KCNIP4: variants seen among roughly 807,000 people sequenced by gnomAD.
KCNIP4 encodes Kv channel-interacting protein 4.
KCNIP4 carries 12 observed loss-of-function variants against 34.0 expected under a neutral mutation model. The observed-to-expected ratio is 0.35, with a 90% CI of 0.23 to 0.57. KCNIP4 has a LOEUF of 0.57. Ranked by LOEUF, KCNIP4 falls within the 20% of genes least tolerant of loss-of-function variation. The pLI is 0.83. For missense variants in KCNIP4, 238 were observed against 311.7 expected (o/e 0.76, Z 1.78); for synonymous variants, 124 against 102.2 (o/e 1.21, Z -1.29).
At chr4:21,728,278 C>A (rs1715340780) in intron 1 of KCNIP4, among the ~76,000 whole-genome samples, 1 of 152,190 alleles carries the variant, frequency 6.6e-6, no homozygotes, top group African/African-American at 2.4e-5. Flanking sequence ...TTTCTTATCT[C>A]TGTAAATGGC....
At chr4:21,094,675 G>C (rs192325919) in intron 1 of KCNIP4, among the ~76,000 whole-genome samples, 1 of 152,264 alleles carries the variant, frequency 6.6e-6, no homozygotes, top group East Asian at 1.9e-4. Flanking sequence ...TCTGAGGCTA[G>C]GTTAGGAAAG....
At chr4:21,182,494 A>G (rs551669705) in intron 1 of KCNIP4, among the ~76,000 whole-genome samples, 2 of 148,752 alleles carry the variant, frequency 1.3e-5, no homozygotes, top group Non-Finnish European at 3.0e-5. Flanking sequence ...TTTAAGGGGT[A>G]CAAGTACAGT....
chr4:21,265,684 TA>T (rs1761760008), intron 1 of KCNIP4, among the ~76,000 whole-genome samples: 1 of 152,068 alleles, frequency 6.6e-6, no homozygotes, highest in Non-Finnish European at 1.5e-5. Context: ...GATAGAATCA[TA>T]ATGGAAAATA....
At chr4:21,655,071 T>C (rs887970163) in intron 1 of KCNIP4, among the ~76,000 whole-genome samples, 1 of 152,152 alleles carries the variant, frequency 6.6e-6, no homozygotes, top group Non-Finnish European at 1.5e-5. Context: ...AGAATATCTG[T>C]GCAATGCCAA....
chr4:20,960,564 T>C (rs902922178), intron 1 of KCNIP4, among the ~76,000 whole-genome samples: 7 of 152,182 alleles, frequency 4.6e-5, no homozygotes, highest in Non-Finnish European at 8.8e-5. Context: ...GAGTGGGAAC[T>C]CACACAAGGA....
intron 1 of KCNIP4, among the ~76,000 whole-genome samples, chr4:21,821,319 T>C (rs1410803849): frequency 2.0e-5 from 3 of 152,106 alleles, no homozygotes; most frequent in Admixed American, 1.3e-4. Flanking sequence ...CATCCTCCTG[T>C]AGGTGCCATT....
intron 1 of KCNIP4, among the ~76,000 whole-genome samples, chr4:21,409,275 TA>T (rs72214909): frequency 0.28 from 41,539 of 147,420 alleles, 6,453 homozygotes; most frequent in East Asian, 0.41. Flanking sequence ...TCTGGTTAAT[TA>T]AAAAAAAAAA....
chr4:21,025,631 G>A (rs1161641615), intron 1 of KCNIP4, among the ~76,000 whole-genome samples: 3 of 123,746 alleles, frequency 2.4e-5, no homozygotes, highest in South Asian at 2.7e-4. Flanking sequence ...TCGCCTCACT[G>A]CCAGCTCTGC....
At chr4:20,833,180 C>G (rs899970682) in intron 3 of KCNIP4, among the ~76,000 whole-genome samples, 1 of 152,232 alleles carries the variant, frequency 6.6e-6, no homozygotes, top group East Asian at 1.9e-4. Flanking sequence ...TTTATGATAA[C>G]GTGCGGTGCA....
chr4:21,785,522 G>T (rs552853746), intron 1 of KCNIP4, among the ~76,000 whole-genome samples: 4 of 152,040 alleles, frequency 2.6e-5, no homozygotes, highest in African/African-American at 9.7e-5. Flanking sequence ...AACCCAGGAG[G>T]CAGAGGTTGC....
intron 1 of KCNIP4, among the ~76,000 whole-genome samples, chr4:20,939,781 C>T (rs369597597): frequency 2.6e-5 from 4 of 152,188 alleles, no homozygotes; most frequent in Non-Finnish European, 4.4e-5. Context: ...CTTGGACCAT[C>T]CGCAACCAGG....
chr4:20,953,910 A>C (rs1327672609), intron 1 of KCNIP4, among the ~76,000 whole-genome samples: 1 of 152,116 alleles, frequency 6.6e-6, no homozygotes. Context: ...CCTTTGCCCT[A>C]CTGAGAGTGG....
chr4:21,518,912 G>A (rs1177586974), intron 1 of KCNIP4, among the ~76,000 whole-genome samples: 3 of 152,052 alleles, frequency 2.0e-5, no homozygotes, highest in Admixed American at 2.0e-4. Flanking sequence ...AGAGTTGACT[G>A]CCTCTTATGG....
At chr4:21,136,360 A>G (rs1200936418) in intron 1 of KCNIP4, among the ~76,000 whole-genome samples, 3 of 152,196 alleles carry the variant, frequency 2.0e-5, no homozygotes, top group Admixed American at 6.5e-5. Flanking sequence ...AGAAGGAACA[A>G]TGGAAGCAGA....
intron 1 of KCNIP4, among the ~76,000 whole-genome samples, chr4:21,801,237 A>T (rs1262259956): frequency 6.6e-6 from 1 of 152,200 alleles, no homozygotes. Flanking sequence ...TAATCTTTTT[A>T]AATTTATGTT....
chr4:21,354,845 A>G (rs539371520), intron 1 of KCNIP4, among the ~76,000 whole-genome samples: 1 of 152,342 alleles, frequency 6.6e-6, no homozygotes, highest in African/African-American at 2.4e-5. Context: ...CAGAATATAC[A>G]TTCTTCTCAG....
At chr4:21,453,392 G>A (rs527987062) in intron 1 of KCNIP4, among the ~76,000 whole-genome samples, 3 of 152,094 alleles carry the variant, frequency 2.0e-5, no homozygotes, top group South Asian at 2.1e-4. Flanking sequence ...TAAAATATGG[G>A]TTTTATTTAC....
At chr4:21,826,614 T>C (rs1171733563) in intron 1 of KCNIP4, among the ~76,000 whole-genome samples, 1 of 152,028 alleles carries the variant, frequency 6.6e-6, no homozygotes, top group Non-Finnish European at 1.5e-5. Flanking sequence ...TAAACTGGTG[T>C]TGAGGTTGAT....
intron 1 of KCNIP4, among the ~76,000 whole-genome samples, chr4:21,166,938 CAAAAAAAA>C (rs55649635): frequency 1.6e-4 from 6 of 37,542 alleles, no homozygotes; most frequent in African/African-American, 6.4e-4. Flanking sequence ...CACTCCATCT[CAAAAAAAA>C]AAAAAAAAAA....
Sources: gnomAD v4.1 joint callset for allele counts (sites outside exome capture counted in the v4.1 genomes callset) on GRCh38, gnomAD v4.1.1 for gene constraint, MANE v1.5 for transcripts, NCBI Gene and HGNC (gene_info 2026-07-23, HGNC 2026-07-21) for gene names.